The following SORCS3 variants were observed in gnomAD, a reference collection of about 807,000 sequenced individuals.
SORCS3 encodes sortilin related VPS10 domain containing receptor 3.
Under a neutral mutation model 146.3 loss-of-function variants are expected in SORCS3, and 57 were observed. The ratio of observed to expected loss-of-function variants is 0.39; its 90% confidence interval spans 0.31 to 0.49. The LOEUF is 0.49. SORCS3 is among the 20% of genes least tolerant of loss of function. The pLI is 0.92. For synonymous variants in SORCS3, 653 were observed against 618.5 expected, an observed-to-expected ratio of 1.06 and a Z score of -0.83; for missense variants, 1,341 against 1,575.5, an observed-to-expected ratio of 0.85 and a Z score of 2.52.
intron 16 of SORCS3, among the ~76,000 whole-genome samples, chr10:105,205,030 C>T (rs1229203094): frequency 6.6e-6 from 1 of 152,128 alleles, no homozygotes; most frequent in African/African-American, 2.4e-5. Context: ...ATCTGAAATA[C>T]CCAGTACAGT....
intron 19 of SORCS3, 83 bp from the exon 20 acceptor site, chr10:105,223,033 T>G: frequency 2.9e-6 from 4 of 1,401,006 alleles, no homozygotes; most frequent in Non-Finnish European, 3.8e-6. Context: ...GCGAATAGAA[T>G]TTAAGGTTAA....
chr10:105,011,227 A>G (rs771815584), intron 4 of SORCS3, among the ~76,000 whole-genome samples: 3 of 152,162 alleles, frequency 2.0e-5, no homozygotes, highest in African/African-American at 4.8e-5. Context: ...ACATTAACTT[A>G]AAGTATCTAG....
chr10:104,743,334 G>A (rs891111019), intron 1 of SORCS3, among the ~76,000 whole-genome samples: 3 of 152,176 alleles, frequency 2.0e-5, no homozygotes, highest in African/African-American at 7.2e-5. Context: ...ACATGTCTCA[G>A]AAAACTCACT....
chr10:105,207,674 G>A (rs915896668), intron 16 of SORCS3, among the ~76,000 whole-genome samples: 1 of 152,162 alleles, frequency 6.6e-6, no homozygotes, highest in African/African-American at 2.4e-5. Flanking sequence ...ATACATTTAG[G>A]AGAAATTAAT....
intron 1 of SORCS3, among the ~76,000 whole-genome samples, chr10:104,787,440 C>A (rs2017451620): frequency 6.6e-6 from 1 of 152,182 alleles, no homozygotes; most frequent in Non-Finnish European, 1.5e-5. Flanking sequence ...CATAAGGAAT[C>A]ATAATGAATC....
intron 12 of SORCS3, 62 bp from the exon 13 acceptor site, chr10:105,167,196 G>A (rs964646687): frequency 4.4e-5 from 58 of 1,314,064 alleles, no homozygotes; most frequent in Non-Finnish European, 6.2e-5. Flanking sequence ...ACTGTAAACT[G>A]TTAAGCACTA....
intron 25 of SORCS3, 75 bp from the exon 26 acceptor site, chr10:105,262,255 AT>A: frequency 7.3e-7 from 1 of 1,373,430 alleles, no homozygotes; most frequent in Non-Finnish European, 1.0e-6. Flanking sequence ...TCCTCCCCTT[AT>A]CCCCCAGGAT....
chr10:104,771,897 G>C (rs1254711815), intron 1 of SORCS3, among the ~76,000 whole-genome samples: 1 of 151,996 alleles, frequency 6.6e-6, no homozygotes, highest in Non-Finnish European at 1.5e-5. Flanking sequence ...GAGAGCCCTA[G>C]CCTTGGCTTC....
chr10:104,872,210 T>A (rs1379968031), intron 2 of SORCS3, among the ~76,000 whole-genome samples: 7 of 152,188 alleles, frequency 4.6e-5, no homozygotes. Context: ...GGGAAAGTAC[T>A]TCTCAATTGT....
chr10:104,836,981 A>G (rs1247463261), intron 1 of SORCS3, among the ~76,000 whole-genome samples: 1 of 152,158 alleles, frequency 6.6e-6, no homozygotes, highest in African/African-American at 2.4e-5. Flanking sequence ...CCCCTCCTTC[A>G]TGAAGACTTT....
chr10:104,840,406 G>A (rs1564695674), intron 1 of SORCS3, among the ~76,000 whole-genome samples: 1 of 152,038 alleles, frequency 6.6e-6, no homozygotes, highest in Non-Finnish European at 1.5e-5. Context: ...TTCTGTTTTT[G>A]GTGCTTCAAC....
chr10:104,817,049 C>T (rs1471474980), intron 1 of SORCS3, among the ~76,000 whole-genome samples: 7 of 152,198 alleles, frequency 4.6e-5, no homozygotes, highest in African/African-American at 1.7e-4. Context: ...GTCTGTTCCC[C>T]TCAAGCCCAA....
chr10:104,690,988 A>G (rs1716644691), intron 1 of SORCS3, among the ~76,000 whole-genome samples: 1 of 152,206 alleles, frequency 6.6e-6, no homozygotes, highest in African/African-American at 2.4e-5. Flanking sequence ...CAGGTGTGTG[A>G]TTACAGCTGG....
intron 1 of SORCS3, among the ~76,000 whole-genome samples, chr10:104,745,399 A>G (rs531709917): frequency 6.6e-6 from 1 of 152,210 alleles, no homozygotes; most frequent in Non-Finnish European, 1.5e-5. Context: ...TTTTGAAGAA[A>G]CTAGCAAGTT....
At chr10:104,973,968 A>G (rs1030571713) in intron 3 of SORCS3, among the ~76,000 whole-genome samples, 8 of 152,122 alleles carry the variant, frequency 5.3e-5, no homozygotes, top group African/African-American at 1.9e-4. Flanking sequence ...GTAGTCATTC[A>G]GGAGCAGGTT....
intron 1 of SORCS3, among the ~76,000 whole-genome samples, chr10:104,732,223 A>G (rs1340276637): frequency 1.3e-5 from 2 of 152,192 alleles, no homozygotes; most frequent in Admixed American, 6.5e-5. Context: ...TGTGCAAAGT[A>G]AGCAAGAAAG....
intron 14 of SORCS3, among the ~76,000 whole-genome samples, chr10:105,197,864 C>T (rs1017018271): frequency 4.6e-5 from 7 of 152,068 alleles, no homozygotes; most frequent in African/African-American, 1.7e-4. Context: ...AGCTTTATGT[C>T]ATCAAAAAAT....
In SORCS3 at chr10:104,793,093, GT is replaced by G. The variant is rs2017513291; in HGVS notation, c.628-49698del. ...CAATTTTTGAGAAAAAGAGATTCTT[GT>G]CACTTTAAAATTGAGTCATTTTGAA... On this transcript the variant is annotated intron_variant, in intron 1 of 26. Transcript: ENST00000369701. Among the ~76,000 whole-genome samples, 3 of 152,160 alleles carry G rather than the reference GT, an allele frequency of 2.0e-5. No individual in the cohort carries two copies. The South Asian group carries it at 6.2e-4, about 32-fold the overall frequency.
intron 5 of SORCS3, among the ~76,000 whole-genome samples, chr10:105,075,265 C>A (rs1167375063): frequency 1.3e-5 from 2 of 152,144 alleles, no homozygotes; most frequent in African/African-American, 4.8e-5. Context: ...TCAGCTCTGC[C>A]TTCACCTGGC....
Sources: allele counts gnomAD v4.1 joint callset (sites outside exome capture counted in the v4.1 genomes callset), GRCh38; gene constraint gnomAD v4.1.1; transcripts MANE v1.5; gene names NCBI Gene and HGNC (gene_info 2026-07-23, HGNC 2026-07-21).